The following IKZF3 variants were observed in gnomAD, a reference collection of about 807,000 sequenced individuals.
The protein encoded by IKZF3 is IKAROS family zinc finger 3, also known as zinc finger protein Aiolos.
In IKZF3, 10 loss-of-function variants were observed where a neutral mutation model predicts 49.0. That is an observed-to-expected ratio of 0.20 (90% CI 0.13 to 0.35). The LOEUF is 0.35. Ranked by LOEUF, IKZF3 falls within the 10% of genes least tolerant of loss-of-function variation. The probability of loss-of-function intolerance (pLI) is 1.00; values close to 1 mark genes in which losing one functional copy is unlikely to be tolerated. For missense variants in IKZF3, 498 were observed against 664.8 expected (o/e 0.75, Z 2.76); for synonymous variants, 209 against 228.2 (o/e 0.92, Z 0.76).
chr17:39,789,760 G>T (rs916364443), intron 5 of IKZF3, among the ~76,000 whole-genome samples: 1 of 149,654 alleles, frequency 6.7e-6, no homozygotes, highest in African/African-American at 2.5e-5. Context: ...AATTAGCTGG[G>T]CGTTGTGGTA....
chr17:39,863,772 A>G (rs2063282244), intron 1 of IKZF3, among the ~76,000 whole-genome samples: 1 of 147,994 alleles, frequency 6.8e-6, no homozygotes, highest in South Asian at 2.2e-4. Context: ...TGAGGCCATG[A>G]AGGAAAAAAT....
intron 6 of IKZF3, 88 bp from the exon 7 acceptor site, chr17:39,777,855 G>T: frequency 6.5e-7 from 1 of 1,546,080 alleles, no homozygotes; most frequent in East Asian, 2.3e-5. Flanking sequence ...AGAAGTGTCC[G>T]AAGTTGGATG....
intron 3 of IKZF3, among the ~76,000 whole-genome samples, chr17:39,824,326 G>A (rs986022592): frequency 6.6e-6 from 1 of 152,136 alleles, no homozygotes; most frequent in East Asian, 1.9e-4. Context: ...CATTGTATCT[G>A]GGAAGTAACT....
chr17:39,834,496 GTTAT>G (rs778371939), intron 1 of IKZF3, among the ~76,000 whole-genome samples: 8 of 152,122 alleles, frequency 5.3e-5, no homozygotes, highest in Non-Finnish European at 1.2e-4. Flanking sequence ...TGATCCACTG[GTTAT>G]TTATAAGTGT....
intron 3 of IKZF3, among the ~76,000 whole-genome samples, chr17:39,812,545 C>T (rs1256470207): frequency 6.6e-6 from 1 of 152,202 alleles, no homozygotes; most frequent in African/African-American, 2.4e-5. Context: ...GAAAATTTAA[C>T]AAGCAGCTAT....
At chr17:39,847,299 T>C (rs527540817) in intron 1 of IKZF3, among the ~76,000 whole-genome samples, 1 of 152,220 alleles carries the variant, frequency 6.6e-6, no homozygotes, top group South Asian at 2.1e-4. Context: ...ACCGATGAAA[T>C]TAGCATATTA....
chr17:39,799,653 T>C (rs943074937), intron 3 of IKZF3, among the ~76,000 whole-genome samples: 15 of 152,172 alleles, frequency 9.9e-5, no homozygotes, highest in African/African-American at 3.4e-4. Flanking sequence ...TCCTCAAGGA[T>C]TCTTATGCAC....
rs111258295 is a variant in IKZF3 at position 39,839,839 on chromosome 17, C to T, written c.8-7688G>A. Among the ~76,000 whole-genome samples, 1,004 of 151,870 alleles carry T rather than the reference C, an allele frequency of 6.6e-3. 11 individuals carry two copies. Among genetic ancestry groups the T allele is most frequent in the Non-Finnish European group, 8.2e-3 (554 of 67,906 alleles). On this transcript the variant is annotated intron_variant, in intron 1 of 7. Transcript: ENST00000346872. ...CATGTCCAGCTAATTTTTCTATTTT[C>T]TGTAGAGTGGGGGTCTCGCCATGTT...
intron 1 of IKZF3, among the ~76,000 whole-genome samples, chr17:39,863,485 A>G (rs1017499327): frequency 6.6e-6 from 1 of 152,160 alleles, no homozygotes; most frequent in African/African-American, 2.4e-5. Context: ...ACCATTGAAG[A>G]GTTTACAGTA....
intron 1 of IKZF3, among the ~76,000 whole-genome samples, chr17:39,833,024 T>TA (rs1174856500): frequency 2.6e-5 from 4 of 152,088 alleles, no homozygotes; most frequent in African/African-American, 9.7e-5. Flanking sequence ...TAAAAAATTT[T>TA]AAAAAAAGAA....
chr17:39,807,914 G>C (rs1162298573), intron 3 of IKZF3, among the ~76,000 whole-genome samples: 2 of 151,942 alleles, frequency 1.3e-5, no homozygotes, highest in Non-Finnish European at 2.9e-5. Flanking sequence ...AAGTACAAAG[G>C]GTTTTTTAGG....
chr17:39,852,271 C>G (rs2062899089), intron 1 of IKZF3, among the ~76,000 whole-genome samples: 1 of 152,178 alleles, frequency 6.6e-6, no homozygotes, highest in South Asian at 2.1e-4. Flanking sequence ...AGCTAAACTT[C>G]TGGAAAAACT....
chr17:39,833,238 A>G (rs1357784698), intron 1 of IKZF3, among the ~76,000 whole-genome samples: 1 of 152,188 alleles, frequency 6.6e-6, no homozygotes, highest in Non-Finnish European at 1.5e-5. Flanking sequence ...CTAAAATTCA[A>G]TATCTGTTTA....
chr17:39,825,910 CA>C, intron 3 of IKZF3, among the ~76,000 whole-genome samples: 1 of 152,136 alleles, frequency 6.6e-6, no homozygotes, highest in Non-Finnish European at 1.5e-5. Context: ...ATGATATACT[CA>C]GGGGCAGGGA....
At position 39,790,514 on chromosome 17, in the gene IKZF3, G is replaced by A. The variant is rs558238073; in HGVS notation, c.592+902C>T. On this transcript the variant is annotated intron_variant, in intron 5 of 7. Transcript: ENST00000346872. ...TAACAAGTTTTGAGTTTGGGGCTAG[G>A]TTTTAATCAAAGCAGTAGATGTGAA... Among the ~76,000 whole-genome samples, 14 of 152,188 alleles carry A rather than the reference G, an allele frequency of 9.2e-5. No individual in the cohort carries two copies. In the South Asian group the frequency reaches 2.9e-3, roughly 32 times the overall value.
intron 7 of IKZF3, among the ~76,000 whole-genome samples, chr17:39,773,835 C>T (rs1345976139): frequency 6.6e-6 from 1 of 151,984 alleles, no homozygotes; most frequent in Non-Finnish European, 1.5e-5. Context: ...AAAGGAAATC[C>T]CCTAAAGGAC....
At chr17:39,862,576 CA>C (rs1384422348) in intron 1 of IKZF3, among the ~76,000 whole-genome samples, 1 of 152,044 alleles carries the variant, frequency 6.6e-6, no homozygotes, top group Non-Finnish European at 1.5e-5. Context: ...TTAAAATAGC[CA>C]AATTCATATA....
intron 7 of IKZF3, among the ~76,000 whole-genome samples, chr17:39,772,818 T>G (rs2143650952): frequency 6.6e-6 from 1 of 152,202 alleles, no homozygotes; most frequent in South Asian, 2.1e-4. Context: ...GTTTTTTTCC[T>G]CCTATCAATT....
intron 7 of IKZF3, among the ~76,000 whole-genome samples, chr17:39,767,780 TGGCCGGGC>T (rs1419298267): frequency 1.3e-5 from 2 of 152,048 alleles, no homozygotes; most frequent in Non-Finnish European, 1.5e-5. Flanking sequence ...AGTTAAAAGT[TGGCCGGGC>T]GCGGTGGCTC....
Sources: allele counts gnomAD v4.1 joint callset (sites outside exome capture counted in the v4.1 genomes callset), GRCh38; gene constraint gnomAD v4.1.1; transcripts MANE v1.5; gene names NCBI Gene and HGNC (gene_info 2026-07-23, HGNC 2026-07-21).